Variants in ALDH1L1 observed in about 807,000 individuals in gnomAD.
ALDH1L1 encodes the protein aldehyde dehydrogenase 1 family member L1, also known as cytosolic 10-formyltetrahydrofolate dehydrogenase.
Under a neutral mutation model 101.1 loss-of-function variants are expected in ALDH1L1, and 68 were observed. The ratio of observed to expected loss-of-function variants is 0.67; its 90% CI spans 0.55 to 0.82. ALDH1L1 has a LOEUF of 0.82. ALDH1L1 is among the 40% of genes least tolerant of loss of function. The pLI, the probability that ALDH1L1 is intolerant of heterozygous loss-of-function variation, is 0.00. For synonymous variants in ALDH1L1, 486 were observed against 470.8 expected (o/e 1.03, Z -0.42); for missense variants, 1,087 against 1,172.7 (o/e 0.93, Z 1.07).
intron 9 of ALDH1L1, among the ~76,000 whole-genome samples, chr3:126,138,738 GA>G (rs1323049989): frequency 6.6e-6 from 1 of 152,186 alleles, no homozygotes; most frequent in African/African-American, 2.4e-5. Flanking sequence ...ACTTTCTAAA[GA>G]ATTAAACATA....
upstream of ALDH1L1, among the ~76,000 whole-genome samples, chr3:126,184,137 A>C (rs563053153): frequency 1.3e-5 from 2 of 152,298 alleles, no homozygotes; most frequent in South Asian, 4.1e-4. Context: ...AGAGAAGCTG[A>C]GGCTTGAGGT....
intron 19 of ALDH1L1, among the ~76,000 whole-genome samples, chr3:126,110,488 C>CG (rs969607195): frequency 2.0e-5 from 3 of 152,088 alleles, no homozygotes; most frequent in Non-Finnish European, 4.4e-5. Flanking sequence ...ACTGTTTGTC[C>CG]GGGGGACTCC....
chr3:126,162,217 C>T (rs2081073600), intron 1 of ALDH1L1, among the ~76,000 whole-genome samples: 1 of 152,164 alleles, frequency 6.6e-6, no homozygotes, highest in Non-Finnish European at 1.5e-5. Context: ...ACATCTCTGT[C>T]AGGTGTGTAC....
At chr3:126,182,345 G>A (rs889397605), upstream of ALDH1L1, among the ~76,000 whole-genome samples, 5 of 152,000 alleles carry the variant, frequency 3.3e-5, no homozygotes, top group African/African-American at 1.2e-4. Flanking sequence ...TTTCACCGGG[G>A]TTTCACCATG....
At chr3:126,117,625 A>G (rs1219912054) in intron 17 of ALDH1L1, among the ~76,000 whole-genome samples, 1 of 151,484 alleles carries the variant, frequency 6.6e-6, no homozygotes, top group Admixed American at 6.6e-5. Context: ...GCACTCCACC[A>G]TGAGTGACAG....
In ALDH1L1 at chr3:126,110,058, C is replaced by T. The variant is rs763483275; in HGVS notation, c.2233G>A (p.Asp745Asn). ...KVGNPLDRDT[D>N]HGPQNHHAHL... ...GCATGGTGATTCTGCGGCCCGTGGT[C>T]GGTGTCCCTGTCCAGCGGGTTGCCC... The change falls in exon 20 of 23, where the codon GAC becomes AAC. Residue 745 changes from aspartate to asparagine, a missense_variant. Coordinates refer to ENST00000393434, the MANE Select transcript of ALDH1L1 (RefSeq NM_012190.4). The T allele has an allele frequency of 1.1e-5, 17 of 1,614,108 alleles. No homozygotes were observed. Among genetic ancestry groups the T allele is most frequent in the Middle Eastern group, 1.6e-4 (1 of 6,084 alleles).
At chr3:126,190,284 T>C (rs1284776362) in intron 1 of ALDH1L1, among the ~76,000 whole-genome samples, 1 of 152,244 alleles carries the variant, frequency 6.6e-6, no homozygotes, top group African/African-American at 2.4e-5. Flanking sequence ...GAAGCTTTCA[T>C]TGTCTTCCCA....
At chr3:126,196,124 A>G (rs983977686) in intron 1 of ALDH1L1, among the ~76,000 whole-genome samples, 1 of 152,192 alleles carries the variant, frequency 6.6e-6, no homozygotes, top group Non-Finnish European at 1.5e-5. Context: ...AAAATAAAAA[A>G]AAGAAGACCC....
chr3:126,108,868 G>A (rs765311082), intron 20 of ALDH1L1, among the ~76,000 whole-genome samples: 3 of 152,278 alleles, frequency 2.0e-5, no homozygotes, highest in South Asian at 2.1e-4. Context: ...CAAGGAGTCC[G>A]AACTTGCACT....
intron 2 of ALDH1L1, chr3:126,160,251 CTG>C (rs2081014633): frequency 6.5e-6 from 1 of 152,798 alleles, no homozygotes; most frequent in South Asian, 2.1e-4. Flanking sequence ...TTAGTACTCT[CTG>C]TGTTTTTTTC....
chr3:126,158,386 T>C lies in ALDH1L1; in HGVS notation c.362+19A>G, dbSNP rs1315712107. On this transcript the variant is annotated intron_variant, in intron 3 of 22. Coordinates refer to ENST00000393434, the MANE Select transcript of ALDH1L1 (RefSeq NM_012190.4). ...GGACATGTATGGGGATGGCCCCCTG[T>C]GTTTTTGCCCCATCTCACCAGTTGA... The C allele has an allele frequency of 1.3e-6, 2 of 1,545,088 alleles. No individual in the cohort carries two copies. Among genetic ancestry groups the C allele is most frequent in the African/African-American group, 2.7e-5 (2 of 73,394 alleles).
At chr3:126,125,570 CCT>C (rs1282312879) in intron 15 of ALDH1L1, 44 bp downstream of exon 15, 2 of 1,392,016 alleles carry the variant, frequency 1.4e-6, no homozygotes, top group South Asian at 1.7e-5. Context: ...AGTTCCTGAT[CCT>C]CTCTGTGGCC....
intron 14 of ALDH1L1, 103 bp downstream of exon 14, chr3:126,130,120 A>G: frequency 9.1e-7 from 1 of 1,096,552 alleles, no homozygotes; most frequent in Non-Finnish European, 1.2e-6. Flanking sequence ...TGTTTGATAA[A>G]TGCACGCACA....
At chr3:126,180,945 C>T, upstream of ALDH1L1, 1 of 1,610,560 alleles carries the variant, frequency 6.2e-7, no homozygotes, top group East Asian at 2.2e-5. Context: ...CTCTCTCACT[C>T]TTGATGGGCC....
At chr3:126,107,600 C>G (rs1406538667) in intron 20 of ALDH1L1, among the ~76,000 whole-genome samples, 1 of 152,238 alleles carries the variant, frequency 6.6e-6, no homozygotes, top group Admixed American at 6.5e-5. Context: ...CTAAAACCAC[C>G]TAGATTCTTT....
intron 20 of ALDH1L1, 98 bp from the exon 21 acceptor site, chr3:126,107,344 G>A: frequency 1.0e-6 from 1 of 960,508 alleles, no homozygotes; most frequent in Non-Finnish European, 1.7e-6. Context: ...GCCACCTGCG[G>A]ATGACCCGAC....
intron 17 of ALDH1L1, among the ~76,000 whole-genome samples, chr3:126,116,327 C>T (rs187497067): frequency 4.0e-5 from 6 of 151,680 alleles, no homozygotes; most frequent in African/African-American, 1.2e-4. Flanking sequence ...ATTTAGCTTC[C>T]GTGTCCCAGG....
chr3:126,173,366 T>A (rs1371677084), intron 1 of ALDH1L1, among the ~76,000 whole-genome samples: 1 of 152,178 alleles, frequency 6.6e-6, no homozygotes, highest in Non-Finnish European at 1.5e-5. Flanking sequence ...TAAAGTTGTA[T>A]AGTGTTATTC....
chr3:126,155,594 A>G, intron 4 of ALDH1L1, 91 bp from the exon 5 acceptor site: 2 of 1,073,008 alleles, frequency 1.9e-6, no homozygotes, highest in Non-Finnish European at 1.3e-6. Flanking sequence ...ACCCTTCCCC[A>G]GACTGACCAG....
Sources: allele counts gnomAD v4.1 joint callset (sites outside exome capture counted in the v4.1 genomes callset), GRCh38; gene constraint gnomAD v4.1.1; transcripts MANE v1.5; gene names NCBI Gene and HGNC (gene_info 2026-07-23, HGNC 2026-07-21).